The following IPMK variants were observed in gnomAD, a reference collection of about 807,000 sequenced individuals.
IPMK encodes the protein inositol 1,3,4,6-tetrakisphosphate 5-kinase.
A neutral mutation model predicts 45.8 loss-of-function variants in IPMK; 17 were observed. That is an observed-to-expected ratio of 0.37 (90% CI 0.25 to 0.56). The LOEUF (loss-of-function observed/expected upper bound fraction) is 0.56. IPMK is among the 20% of genes least tolerant of loss of function. The pLI, the probability that IPMK is intolerant of heterozygous loss-of-function variation, is 0.79. For synonymous variants in IPMK, 180 were observed against 184.3 expected, an observed-to-expected ratio of 0.98 and a Z score of 0.19; for missense variants, 399 against 498.0, an observed-to-expected ratio of 0.80 and a Z score of 1.89.
In IPMK at chr10:58,195,584, A is replaced by AT. The variant is rs1234703479; in HGVS notation, c.*491_*492insA. Reference sequence around the variant, plus strand: ...GGTCTGAACTTTTAATATAAAACCTAAACAGTACTTATTTCTGAAGTAGAA... The same window carrying AT: ...GGTCTGAACTTTTAATATAAAACCTATAACAGTACTTATTTCTGAAGTAGAA... On this transcript the variant is annotated 3_prime_UTR_variant, in exon 6 of 6. Transcript: ENST00000373935. 6.5e-6 allele frequency: 1 copy of AT among 152,772 alleles called. No homozygotes were observed. The highest frequency in any genetic ancestry group is 6.5e-5 in the Admixed American group (1 of 15,334). 9.5% of individuals were successfully genotyped at this position (152,772 alleles called of 1,614,324 possible). A position where few individuals can be genotyped will look rare whatever the true frequency, so the allele number is the denominator to read the frequency against.
chr10:58,194,028 C>A lies in IPMK; in HGVS notation c.*2048G>T, dbSNP rs1428689901. 1.3e-5 allele frequency: 2 copies of A among 151,758 alleles called. No homozygotes were observed. The highest frequency in any genetic ancestry group is 3.0e-5 in the Non-Finnish European group (2 of 67,718). 9.4% of individuals were successfully genotyped at this position (151,758 alleles called of 1,614,324 possible). A position where few individuals can be genotyped will look rare whatever the true frequency, so the allele number is the denominator to read the frequency against. ...TGCTTTATTAAAAACAAAACATGAT[C>A]TATTGTATCAAAAAGGTAAGACATT... On this transcript the variant is annotated 3_prime_UTR_variant, in exon 6 of 6. Coordinates refer to ENST00000373935, the MANE Select transcript of IPMK (RefSeq NM_152230.5).
At chr10:58,213,686 A>C (rs1838201649) in intron 4 of IPMK, among the ~76,000 whole-genome samples, 1 of 141,914 alleles carries the variant, frequency 7.0e-6, no homozygotes, top group South Asian at 2.1e-4. Flanking sequence ...ACTCCGTCTC[A>C]AAAAAAAAAA....
chr10:58,230,077 G>A (rs531983848), intron 2 of IPMK, among the ~76,000 whole-genome samples: 3 of 152,158 alleles, frequency 2.0e-5, no homozygotes, highest in African/African-American at 4.8e-5. Context: ...GTCTGAGATC[G>A]AACTGCGAGG....
At chr10:58,205,556 C>T (rs186254975) in intron 4 of IPMK, among the ~76,000 whole-genome samples, 2 of 152,172 alleles carry the variant, frequency 1.3e-5, no homozygotes, top group African/African-American at 4.8e-5. Flanking sequence ...TCATGAATTG[C>T]TGGTGGGAAT....
intron 2 of IPMK, among the ~76,000 whole-genome samples, chr10:58,231,486 G>A (rs1263847089): frequency 6.6e-6 from 1 of 152,196 alleles, no homozygotes; most frequent in Non-Finnish European, 1.5e-5. Flanking sequence ...TCTCTCGGCA[G>A]AAACCCTAAA....
At chr10:58,233,047 T>C (rs1353849478) in intron 2 of IPMK, among the ~76,000 whole-genome samples, 1 of 152,116 alleles carries the variant, frequency 6.6e-6, no homozygotes, top group Non-Finnish European at 1.5e-5. Flanking sequence ...GATAAACACC[T>C]CTATGCAAAT....
Position 58,193,324 on chromosome 10 carries a change from CTGTAG to C in IPMK, c.*2747_*2751del, listed in dbSNP as rs1837843099. ...CAGTTTAGAGCCCCATAAGAGCAAACTGTAGTGTAAAGAGGAAAAGTAAGTACAAT... is the reference window on the plus strand; with the variant it reads ...CAGTTTAGAGCCCCATAAGAGCAAACTGTAAAGAGGAAAAGTAAGTACAAT... On this transcript the variant is annotated 3_prime_UTR_variant, in exon 6 of 6. Coordinates refer to ENST00000373935, the MANE Select transcript of IPMK (RefSeq NM_152230.5). The C allele has an allele frequency of 1.3e-5, 2 of 151,976 alleles. No homozygotes were observed. The highest frequency in any genetic ancestry group is 1.9e-4 in the East Asian group (1 of 5,172). 9.4% of individuals were successfully genotyped at this position (151,976 alleles called of 1,614,324 possible). A position where few individuals can be genotyped will look rare whatever the true frequency, so the allele number is the denominator to read the frequency against.
intron 4 of IPMK, among the ~76,000 whole-genome samples, chr10:58,204,963 A>G (rs934200519): frequency 2.0e-5 from 3 of 152,202 alleles, no homozygotes; most frequent in Non-Finnish European, 4.4e-5. Context: ...CAAGGGTATC[A>G]AGAATATTCA....
chr10:58,244,501 A>G lies in IPMK; in HGVS notation c.191-6687T>C, dbSNP rs909295099. Among the ~76,000 whole-genome samples, 52 of 118,482 alleles carry G rather than the reference A, an allele frequency of 4.4e-4. 1 individual carries two copies. The highest frequency in any genetic ancestry group is 6.3e-4 in the Non-Finnish European group (37 of 59,196). 77.7% of individuals were successfully genotyped at this position (118,482 alleles called of 152,430 possible). On this transcript the variant is annotated intron_variant, in intron 1 of 5. Coordinates refer to ENST00000373935, the MANE Select transcript of IPMK (RefSeq NM_152230.5). ...CTGGGAAGTGAGGAGCGCCTCTGCC[A>G]GGCCGTCCCGTCTGGGAAGTGTACC...
At chr10:58,204,746 G>A (rs1335221505) in intron 4 of IPMK, among the ~76,000 whole-genome samples, 5 of 152,076 alleles carry the variant, frequency 3.3e-5, no homozygotes, top group South Asian at 2.1e-4. Context: ...AGTAAGACAC[G>A]ATCACGCTAC....
chr10:58,199,185 C>A, intron 5 of IPMK, 55 bp downstream of exon 5: 1 of 1,067,200 alleles, frequency 9.4e-7, no homozygotes, highest in Non-Finnish European at 1.4e-6. Flanking sequence ...ACTGAAATAA[C>A]TTTAGAAGTC....
chr10:58,200,203 C>T (rs775996914), intron 4 of IPMK, among the ~76,000 whole-genome samples: 10 of 152,284 alleles, frequency 6.6e-5, no homozygotes, highest in Middle Eastern at 3.4e-3. Context: ...ACTGCAACCC[C>T]TGCCTCCGGG....
chr10:58,226,374 T>C (rs574657873), intron 3 of IPMK, among the ~76,000 whole-genome samples: 241 of 152,256 alleles, frequency 1.6e-3, no homozygotes, highest in African/African-American at 5.6e-3. Flanking sequence ...TGTCTGGGAG[T>C]TGGCCTTACA....
chr10:58,238,413 C>T (rs1184092921), intron 1 of IPMK, among the ~76,000 whole-genome samples: 1 of 152,198 alleles, frequency 6.6e-6, no homozygotes, highest in Non-Finnish European at 1.5e-5. Context: ...TTTTTATAAT[C>T]TGTCCATTCA....
rs562233156 is a variant in IPMK at position 58,205,144 on chromosome 10, G to A, written c.547-5823C>T. 1.5e-4 allele frequency among the ~76,000 whole-genome samples: 23 copies of A among 152,180 alleles called. No homozygotes were observed. In the East Asian group the frequency reaches 3.7e-3, roughly 24 times the overall value. On this transcript the variant is annotated intron_variant, in intron 4 of 5. Coordinates refer to ENST00000373935, the MANE Select transcript of IPMK (RefSeq NM_152230.5). ...TAACATTCTTACAAGAAAAATAGGA[G>A]TAAATCTTGATGAGTTTGGGTTAGG...
intron 1 of IPMK, among the ~76,000 whole-genome samples, chr10:58,239,913 AGGG>A (rs1838671803): frequency 6.6e-6 from 1 of 152,226 alleles, no homozygotes; most frequent in Admixed American, 6.5e-5. Flanking sequence ...AACACAGGAA[AGGG>A]CATGTACTGC....
chr10:58,218,177 C>A (rs189308490), intron 3 of IPMK, among the ~76,000 whole-genome samples: 1 of 152,166 alleles, frequency 6.6e-6, no homozygotes, highest in Non-Finnish European at 1.5e-5. Context: ...CACTGACACA[C>A]CCAAGGAGCC....
intron 4 of IPMK, among the ~76,000 whole-genome samples, chr10:58,199,840 T>C (rs1285553378): frequency 6.6e-6 from 1 of 152,104 alleles, no homozygotes; most frequent in Non-Finnish European, 1.5e-5. Context: ...AATAATAAAA[T>C]ATATGACACG....
intron 3 of IPMK, among the ~76,000 whole-genome samples, chr10:58,217,652 C>T (rs1395702573): frequency 1.5e-5 from 2 of 134,566 alleles, no homozygotes; most frequent in Admixed American, 1.6e-4. Flanking sequence ...CGCGCCATTG[C>T]ACTCCAGCCT....
Sources: gnomAD v4.1 joint callset for allele counts (sites outside exome capture counted in the v4.1 genomes callset) on GRCh38, gnomAD v4.1.1 for gene constraint, MANE v1.5 for transcripts, NCBI Gene and HGNC (gene_info 2026-07-23, HGNC 2026-07-21) for gene names.